ZNF335: variants seen among roughly 807,000 people sequenced by gnomAD.
ZNF335 encodes the protein NRC-interacting factor 1.
A neutral mutation model predicts 145.6 loss-of-function variants in ZNF335; 84 were observed. The observed-to-expected ratio is 0.58, with a 90% CI of 0.48 to 0.69. ZNF335 has a LOEUF of 0.69. Ranked by LOEUF, ZNF335 falls within the 30% of genes least tolerant of loss-of-function variation. The pLI is 0.00. For synonymous variants in ZNF335, 761 were observed against 717.0 expected (o/e 1.06, Z -0.98); for missense variants, 1,865 against 1,809.7 (o/e 1.03, Z -0.55).
chr20:45,958,827 C>G (rs1294438056), intron 15 of ZNF335, among the ~76,000 whole-genome samples: 1 of 152,162 alleles, frequency 6.6e-6, no homozygotes, highest in East Asian at 1.9e-4. Flanking sequence ...GCTCCTGCAG[C>G]TATACTGGAC....
At chr20:45,951,346 C>CAAGCTGGGCTGTG (rs1323510027) in intron 20 of ZNF335, among the ~76,000 whole-genome samples, 2 of 152,234 alleles carry the variant, frequency 1.3e-5, no homozygotes, top group African/African-American at 2.4e-5. Context: ...AGGGAGGCCC[C>CAAGCTGGGCTGTG]AAGCTGGGCT....
chr20:45,960,718 G>A lies in ZNF335; in HGVS notation c.1680C>T (p.Ser560=). ...GGCCACACACAGGGCAGGGGAAAGA[G>A]CTCAGCTTTGGAGTCTAGGAAGGCA... The part of the protein sequence containing the change: ...KKRPDPTPKL[S]SFPCPVCGRV... Residue 560 remains serine, a synonymous_variant, in exon 12 of 28, where the codon AGC becomes AGT. Transcript: ENST00000322927. The A allele has an allele frequency of 6.2e-7, 1 of 1,614,112 alleles. No individual in the cohort carries two copies. The highest frequency in any genetic ancestry group is 1.3e-5 in the African/African-American group (1 of 75,028).
chr20:45,953,138 C>G (rs1210973631), intron 18 of ZNF335, among the ~76,000 whole-genome samples: 1 of 152,204 alleles, frequency 6.6e-6, no homozygotes, highest in Non-Finnish European at 1.5e-5. Context: ...TCCTGACTCC[C>G]TGCTCAGCTC....
intron 15 of ZNF335, 140 bp from the exon 16 acceptor site, chr20:45,958,068 TG>T (rs2083762273): frequency 4.6e-6 from 3 of 647,880 alleles, no homozygotes; most frequent in Non-Finnish European, 8.0e-6. Context: ...TTTTTTTTTT[TG>T]AGATGGAGTC....
rs372676643 is a variant in ZNF335 at position 45,963,492 on chromosome 20, C to T, written c.1514G>A (p.Arg505His). Reference sequence around the variant, plus strand: ...CCGCACCTTGAGCGAGGACCAGCGGCGGGAACGATAGCTGCACTGCAGGCA... The same window carrying T: ...CCGCACCTTGAGCGAGGACCAGCGGTGGGAACGATAGCTGCACTGCAGGCA... ...FKCLQCSYRS[R>H]RWSSLKEHMF... Residue 505 changes from arginine (R) to histidine (H), a missense_variant, in exon 9 of 28, where the codon CGC becomes CAC. Transcript: ENST00000322927. 75 of 1,612,254 alleles carry T rather than the reference C, an allele frequency of 4.7e-5. 1 individual carries two copies. The highest frequency in any genetic ancestry group is 3.9e-4 in the African/African-American group (29 of 74,914).
intron 18 of ZNF335, 29 bp from the exon 19 acceptor site, chr20:45,952,738 A>C: frequency 6.2e-7 from 1 of 1,606,028 alleles, no homozygotes; most frequent in Non-Finnish European, 8.5e-7. Context: ...TTCTAGGAGA[A>C]GATGGAGGGC....
chr20:45,965,647 C>T lies in ZNF335; in HGVS notation c.1083G>A (p.Glu361=). 6.2e-7 allele frequency: 1 copy of T among 1,600,904 alleles called. No individual in the cohort carries two copies. The highest frequency in any genetic ancestry group is 8.5e-7 in the Non-Finnish European group (1 of 1,174,744). ...PGRPRKLPRL[E]ISDLPDGVEG... Reference sequence around the variant, plus strand: ...CCTCACCATCTGGGAGGTCTGAGATCTCCAGGCGGGGCAGCTTCCGGGGCC... The same window carrying T: ...CCTCACCATCTGGGAGGTCTGAGATTTCCAGGCGGGGCAGCTTCCGGGGCC... The change falls in exon 7 of 28, where the codon GAG becomes GAA. Residue 361 remains glutamate, a synonymous_variant. Transcript: ENST00000322927.
chr20:45,963,512 C>T lies in ZNF335; in HGVS notation c.1494G>A (p.Leu498=). 1.9e-6 allele frequency: 3 copies of T among 1,614,118 alleles called. No homozygotes were observed. The highest frequency in any genetic ancestry group is 2.5e-6 in the Non-Finnish European group (3 of 1,180,024). ...EAGDPQLFKC[L]QCSYRSRRWS... is the part of the protein sequence containing the mutation. ...AGCGGCGGGAACGATAGCTGCACTGCAGGCACTTGAAGAGCTGGGGATCGC... is the reference window on the plus strand; with the variant it reads ...AGCGGCGGGAACGATAGCTGCACTGTAGGCACTTGAAGAGCTGGGGATCGC... The change falls in exon 9 of 28, where the codon CTG becomes CTA. Residue 498 remains leucine (L), a synonymous_variant. Transcript: ENST00000322927.
chr20:45,952,155 C>T lies in ZNF335; in HGVS notation c.3181G>A (p.Glu1061Lys), dbSNP rs558623538. The change falls in exon 20 of 28, where the codon GAG becomes AAG. Residue 1061 changes from glutamate (E) to lysine (K), a missense_variant. By Grantham distance (56) the Glu-to-Lys change is moderately conservative (BLOSUM62 1). Coordinates refer to ENST00000322927, the MANE Select transcript of ZNF335 (RefSeq NM_022095.4). ...DCPFSARQWP[E>K]VRAHMAQHSS... is the part of the protein sequence containing the mutation. Reference sequence around the variant, plus strand: ...GAGCAACCAGCACCTACCCGGACCTCGGGCCACTGGCGGGCACTGAAGGGG... The same window carrying T: ...GAGCAACCAGCACCTACCCGGACCTTGGGCCACTGGCGGGCACTGAAGGGG... 1.8e-5 allele frequency: 28 copies of T among 1,599,134 alleles called. No individual in the cohort carries two copies. Among genetic ancestry groups the T allele is most frequent in the Middle Eastern group, 1.7e-4 (1 of 5,732 alleles).
intron 20 of ZNF335, 150 bp downstream of exon 20, chr20:45,951,997 G>A (rs1283752176): frequency 6.8e-6 from 8 of 1,176,176 alleles, no homozygotes; most frequent in Non-Finnish European, 6.9e-6. Context: ...CTCCCTGAGA[G>A]CTGGGACCTT....
chr20:45,954,983 TC>T (rs904817066), intron 17 of ZNF335, among the ~76,000 whole-genome samples: 1 of 151,990 alleles, frequency 6.6e-6, no homozygotes, highest in Non-Finnish European at 1.5e-5. Flanking sequence ...GGTCTCAAAC[TC>T]CTGGACTCAA....
Position 45,963,758 on chromosome 20 carries a change from G to A in ZNF335, c.1335C>T (p.Phe445=). ...PRRRGRPSRR[F]LGKKYRKYYY... is the part of the protein sequence containing the mutation. ...CATACTTGCGGTATTTCTTGCCTAG[G>A]AAGCGCCTGGAAGGTCGACCTCGGC... The change falls in exon 8 of 28, where the codon TTC becomes TTT. Residue 445 remains phenylalanine, a synonymous_variant. Transcript: ENST00000322927. 1 of 1,614,152 alleles carries A rather than the reference G, an allele frequency of 6.2e-7. No homozygotes were observed. The highest frequency in any genetic ancestry group is 1.1e-5 in the South Asian group (1 of 91,080).
At position 45,950,259 on chromosome 20, in the gene ZNF335, G is replaced by T; in HGVS notation, c.3447C>A (p.Ile1149=). The stretch of plus-strand genomic sequence containing the variant: ...GTGTTTCGTCATCACTGTTCAGGAT[G>T]ATGGTCTGGGTTGGGGTCTGGGTAG... ...RAPTQTPTQT[I]ILNSDDETLA... is the part of the protein sequence containing the mutation. Residue 1149 remains isoleucine (I), a synonymous_variant, in exon 22 of 28, where the codon ATC becomes ATA. Coordinates refer to ENST00000322927, the MANE Select transcript of ZNF335 (RefSeq NM_022095.4). 1 of 1,551,474 alleles carries T rather than the reference G, an allele frequency of 6.4e-7. No homozygotes were observed. Among genetic ancestry groups the T allele is most frequent in the South Asian group, 1.2e-5 (1 of 80,510 alleles).
At position 45,949,783 on chromosome 20, in the gene ZNF335, A is replaced by G. The variant is rs1183038930; in HGVS notation, c.3669+17T>C. ...GGAGGTCACAGCTGAGGGGATTAAC[A>G]GTAGCTAGTAGCTCACCTGGTTGTC... On this transcript the variant is annotated intron_variant, in intron 24 of 27. Coordinates refer to ENST00000322927, the MANE Select transcript of ZNF335 (RefSeq NM_022095.4). The G allele has an allele frequency of 1.9e-6, 3 of 1,613,900 alleles. No homozygotes were observed. Among genetic ancestry groups the G allele is most frequent in the Non-Finnish European group, 2.5e-6 (3 of 1,179,868 alleles).
In ZNF335 at chr20:45,959,424, G is replaced by T; in HGVS notation, c.2030C>A (p.Pro677His). The change falls in exon 15 of 28, where the codon CCC (proline) becomes CAC (histidine). Residue 677 changes from proline to histidine, a missense_variant. Physicochemically the swap from Pro to His is moderately conservative, Grantham distance 77 (BLOSUM62 -2). Transcript: ENST00000322927. ...GAAGTGGCAGTACTCACAGGCGAAGGGCTTGGCCCCTGGAGGCACATGTTG... is the reference window on the plus strand; with the variant it reads ...GAAGTGGCAGTACTCACAGGCGAAGTGCTTGGCCCCTGGAGGCACATGTTG... ...HVAVKHTGAKPFACEYCHFST... is the reference protein window; with the variant it reads ...HVAVKHTGAKHFACEYCHFST... The T allele has an allele frequency of 6.9e-7, 1 of 1,457,646 alleles. No homozygotes were observed. Among genetic ancestry groups the T allele is most frequent in the Non-Finnish European group, 9.2e-7 (1 of 1,089,338 alleles). 90.3% of individuals were successfully genotyped at this position (1,457,646 alleles called of 1,614,324 possible).
In ZNF335 at chr20:45,960,464, G is replaced by A. The variant is rs2083819216; in HGVS notation, c.1844C>T (p.Ala615Val). Residue 615 changes from alanine (A) to valine (V), a missense_variant, in exon 13 of 28, where the codon GCT becomes GTT. Physicochemically the swap from Ala to Val is moderately conservative, Grantham distance 64 (BLOSUM62 0). Coordinates refer to ENST00000322927, the MANE Select transcript of ZNF335 (RefSeq NM_022095.4). ...GGGGATGTACCTGCGGTTGGCAACA[G>A]CCTGGATGTGCGTGAGCAGGTGCAT... ...FKMHLLTHIQAVANRRFKCEF... is the reference protein window; with the variant it reads ...FKMHLLTHIQVVANRRFKCEF... 1 of 1,614,218 alleles carries A rather than the reference G, an allele frequency of 6.2e-7. No individual in the cohort carries two copies. Among genetic ancestry groups the A allele is most frequent in the African/African-American group, 1.3e-5 (1 of 75,054 alleles).
intron 14 of ZNF335, among the ~76,000 whole-genome samples, chr20:45,959,758 T>C (rs1472851240): frequency 1.3e-5 from 2 of 152,170 alleles, no homozygotes; most frequent in Non-Finnish European, 2.9e-5. Context: ...ACCAGGGAGC[T>C]AGGCACCAAA....
chr20:45,967,913 C>G lies in ZNF335; in HGVS notation c.635G>C (p.Gly212Ala). Residue 212 changes from glycine (G) to alanine (A), a missense_variant, in exon 5 of 28, where the codon GGG becomes GCG. Gly to Ala is a moderately conservative substitution (Grantham distance 60). Coordinates refer to ENST00000322927, the MANE Select transcript of ZNF335 (RefSeq NM_022095.4). The part of the protein sequence containing the change: ...STSTCLEAQG[G>A]PSSPVQLPPA... ...GGGCAGCTGCACCGGGGAGCTGGGC[C>G]CACCCTGTGCCTCCAGGCATGTGGA... The G allele has an allele frequency of 6.2e-7, 1 of 1,612,444 alleles. No homozygotes were observed.
At chr20:45,954,668 T>C (rs553809574) in intron 17 of ZNF335, among the ~76,000 whole-genome samples, 4 of 148,240 alleles carry the variant, frequency 2.7e-5, no homozygotes, top group South Asian at 4.3e-4. Flanking sequence ...AAGCTAACAA[T>C]AGAAAAACAA....
Sources: allele counts gnomAD v4.1 joint callset (sites outside exome capture counted in the v4.1 genomes callset), GRCh38; gene constraint gnomAD v4.1.1; transcripts MANE v1.5; gene names NCBI Gene and HGNC (gene_info 2026-07-23, HGNC 2026-07-21).